GALNT6: variants seen among roughly 807,000 people sequenced by gnomAD.
GALNT6 encodes polypeptide N-acetylgalactosaminyltransferase 6.
A neutral mutation model predicts 65.9 loss-of-function variants in GALNT6; 51 were observed. The observed-to-expected ratio is 0.77, with a 90% CI of 0.62 to 0.98. GALNT6 has a LOEUF of 0.98. Among genes scored for constraint, GALNT6 ranks in the 50% least tolerant of loss-of-function variants. GALNT6 has a pLI of 0.00. For synonymous variants in GALNT6, 323 were observed against 315.1 expected, an observed-to-expected ratio of 1.02 and a Z score of -0.26; for missense variants, 708 against 803.3, an observed-to-expected ratio of 0.88 and a Z score of 1.43.
intron 2 of GALNT6, among the ~76,000 whole-genome samples, chr12:51,381,959 C>T (rs1375310161): frequency 6.6e-6 from 1 of 152,216 alleles, no homozygotes; most frequent in Admixed American, 6.5e-5. Flanking sequence ...TGTTTAAACG[C>T]ACAAGCTCCT....
At chr12:51,364,061 G>A in intron 6 of GALNT6, 60 bp downstream of exon 6, 1 of 1,138,152 alleles carries the variant, frequency 8.8e-7, no homozygotes, top group East Asian at 2.3e-5. Context: ...GATGGCACAG[G>A]TTCCTGGAAC....
In GALNT6 at chr12:51,353,364, CTT is replaced by C. The variant is rs56716510; in HGVS notation, c.*1013_*1014del. The C allele has an allele frequency of 1.9e-3, 260 of 139,388 alleles. 1 individual carries two copies. Among genetic ancestry groups the C allele is most frequent in the Admixed American group, 3.0e-3 (42 of 13,952 alleles). The allele number at this position is 139,388 out of a possible 1,614,324, so 8.6% of individuals were successfully genotyped here. ...CCTCTGATCTGTCTGTTAGAATATA[CTT>C]TTTTTTTTTTTTTTTTTCCTGAGAT... On this transcript the variant is annotated 3_prime_UTR_variant, in exon 12 of 12. Coordinates refer to ENST00000356317, the MANE Select transcript of GALNT6 (RefSeq NM_007210.4).
chr12:51,360,265 G>A (rs892149159), intron 7 of GALNT6: 3 of 152,822 alleles, frequency 2.0e-5, no homozygotes, highest in Non-Finnish European at 4.4e-5. Flanking sequence ...CATAGGTAGG[G>A]AAACTTCAAA....
intron 11 of GALNT6, 82 bp from the exon 12 acceptor site, chr12:51,354,574 T>C: frequency 2.5e-6 from 2 of 815,566 alleles, no homozygotes; most frequent in Non-Finnish European, 3.9e-6. Context: ...TGGGGTGCAA[T>C]TGACAAAAGC....
rs941104222 is a variant in GALNT6 at position 51,360,591 on chromosome 12, C to T, written c.1167+130G>A. On this transcript the variant is annotated intron_variant, in intron 7 of 11. Transcript: ENST00000356317. ...GGAGCAGAAAAGAGGAAGAGACACA[C>T]TGGGAAATAGCCACCCTTTCTAGTT... 32 of 680,408 alleles carry T rather than the reference C, an allele frequency of 4.7e-5. No individual in the cohort carries two copies. In the South Asian group the frequency reaches 4.7e-4, roughly 10 times the overall value. 42.1% of individuals were successfully genotyped at this position (680,408 alleles called of 1,614,324 possible). A position where few individuals can be genotyped will look rare whatever the true frequency, so the allele number is the denominator to read the frequency against.
intron 2 of GALNT6, among the ~76,000 whole-genome samples, chr12:51,388,375 C>T (rs975725808): frequency 6.6e-6 from 1 of 152,184 alleles, no homozygotes; most frequent in Non-Finnish European, 1.5e-5. Flanking sequence ...AGGGGCTGGC[C>T]GGGTTGCTTC....
At position 51,379,762 on chromosome 12, in the gene GALNT6, C is replaced by A; in HGVS notation, c.20G>T (p.Arg7Leu). The change falls in exon 3 of 12, where the codon CGC becomes CTC. Residue 7 changes from arginine (R) to leucine (L), a missense_variant. Arg to Leu is a moderately radical substitution (Grantham distance 102, BLOSUM62 -2). Coordinates refer to ENST00000356317, the MANE Select transcript of GALNT6 (RefSeq NM_007210.4). ...CATGGCCAGGCGCAGGGGCATGTGG[C>A]GTCTGCGGAGGAGCCTCATCCTCCA... The part of the protein sequence containing the change: MRLLRR[R>L]HMPLRLAMVG... 6.2e-7 allele frequency: 1 copy of A among 1,608,260 alleles called. No homozygotes were observed.
chr12:51,376,507 C>A (rs1288572963), intron 4 of GALNT6, among the ~76,000 whole-genome samples: 1 of 151,962 alleles, frequency 6.6e-6, no homozygotes, highest in Non-Finnish European at 1.5e-5. Context: ...GTGGCACATG[C>A]CTGTAATCCC....
chr12:51,381,168 A>AG (rs1947658557), intron 2 of GALNT6, among the ~76,000 whole-genome samples: 1 of 152,216 alleles, frequency 6.6e-6, no homozygotes, highest in Non-Finnish European at 1.5e-5. Flanking sequence ...GGAGCCCAGG[A>AG]GGTTAAGGCT....
chr12:51,375,145 G>A (rs1432503448), intron 4 of GALNT6, among the ~76,000 whole-genome samples: 1 of 152,044 alleles, frequency 6.6e-6, no homozygotes, highest in African/African-American at 2.4e-5. Flanking sequence ...CTAAGTGCTG[G>A]GATTACAGGG....
intron 6 of GALNT6, 112 bp from the exon 7 acceptor site, chr12:51,360,950 C>T: frequency 1.5e-6 from 1 of 657,722 alleles, no homozygotes; most frequent in Non-Finnish European, 2.8e-6. Context: ...CTCCTTTCCT[C>T]TTTCTCAGGA....
chr12:51,388,590 C>T (rs1012126201), intron 2 of GALNT6, among the ~76,000 whole-genome samples: 19 of 152,162 alleles, frequency 1.2e-4, no homozygotes, highest in African/African-American at 4.1e-4. Context: ...TATTTGTTCC[C>T]AAGTTTCTCT....
At chr12:51,386,418 T>C (rs1947844823) in intron 2 of GALNT6, among the ~76,000 whole-genome samples, 1 of 152,168 alleles carries the variant, frequency 6.6e-6, no homozygotes, top group African/African-American at 2.4e-5. Flanking sequence ...AGGATACAAA[T>C]GCTTTAAAGA....
chr12:51,381,244 T>C (rs184527801), intron 2 of GALNT6, among the ~76,000 whole-genome samples: 1 of 152,242 alleles, frequency 6.6e-6, no homozygotes, highest in South Asian at 2.1e-4. Context: ...TCTTTAAAAA[T>C]AAATAAATAA....
In GALNT6 at chr12:51,365,207, A is replaced by T. The variant is rs1040349756; in HGVS notation, c.814+223T>A. Among the ~76,000 whole-genome samples, 5 of 152,154 alleles carry T rather than the reference A, an allele frequency of 3.3e-5. 1 individual carries two copies. Among genetic ancestry groups the T allele is most frequent in the Non-Finnish European group, 2.9e-5 (2 of 68,010 alleles). On this transcript the variant is annotated intron_variant, in intron 5 of 11. Transcript: ENST00000356317. ...CCGGTGATCACTGGAAATCACTTCC[A>T]GTGATTTTGGGGTCACCAGTTGTTT...
In GALNT6 at chr12:51,364,201, A is replaced by C. The variant is rs1408996284; in HGVS notation, c.969T>G (p.Phe323Leu). ...QRGRVHSRGN[F>L]DWSLTFGWET... ...CCCAGCCGAAGGTCAGGCTCCAGTC[A>C]AAGTTGCCTCGGCTATGGACTCTGC... The change falls in exon 6 of 12, where the codon TTT (phenylalanine) becomes TTG (leucine). Residue 323 changes from phenylalanine (F) to leucine (L), a missense_variant. Physicochemically the swap from Phe to Leu is conservative, Grantham distance 22 (BLOSUM62 0). Transcript: ENST00000356317. 6.2e-7 allele frequency: 1 copy of C among 1,614,178 alleles called. No individual in the cohort carries two copies. The highest frequency in any genetic ancestry group is 1.7e-5 in the Admixed American group (1 of 60,024).
intron 6 of GALNT6, among the ~76,000 whole-genome samples, chr12:51,362,634 ATGGGGG>A (rs1479020528): frequency 7.7e-6 from 1 of 129,676 alleles, no homozygotes; most frequent in South Asian, 2.6e-4. Context: ...GGTCACTGGC[ATGGGGG>A]TGGGGGTGGG....
Position 51,359,073 on chromosome 12 carries a change from AGGGTCTGG to A in GALNT6, c.1368+51_1368+58del, listed in dbSNP as rs1946837390. ...GGTCCCAGCCATTAGGCCCATGAAC[AGGGTCTGG>A]GGGCCGTACTTCTCTTCATCTAAAC... On this transcript the variant is annotated intron_variant, in intron 8 of 11. Coordinates refer to ENST00000356317, the MANE Select transcript of GALNT6 (RefSeq NM_007210.4). 2.9e-5 allele frequency: 40 copies of A among 1,356,320 alleles called. 1 individual carries two copies. The South Asian group carries it at 4.6e-4, about 16-fold the overall frequency. The allele number at this position is 1,356,320 out of a possible 1,614,324, so 84.0% of individuals were successfully genotyped here.
chr12:51,384,098 A>G (rs1037555520), intron 2 of GALNT6, among the ~76,000 whole-genome samples: 2 of 152,096 alleles, frequency 1.3e-5, no homozygotes, highest in African/African-American at 4.8e-5. Flanking sequence ...GCTGTGGCTC[A>G]GCACTTCTTC....
Sources: gnomAD v4.1 joint callset for allele counts (sites outside exome capture counted in the v4.1 genomes callset) on GRCh38, gnomAD v4.1.1 for gene constraint, MANE v1.5 for transcripts, NCBI Gene and HGNC (gene_info 2026-07-23, HGNC 2026-07-21) for gene names.